RASGRF2: variants seen among roughly 807,000 people sequenced by gnomAD.
RASGRF2 encodes Ras protein specific guanine nucleotide releasing factor 2.
Under a neutral mutation model 151.0 loss-of-function variants are expected in RASGRF2, and 76 were observed. The ratio of observed to expected loss-of-function variants is 0.50; its 90% CI spans 0.42 to 0.61. The LOEUF (loss-of-function observed/expected upper bound fraction) is 0.61, where lower values mean the gene tolerates loss of function less well. RASGRF2 is among the 20% of genes least tolerant of loss of function. The pLI is 0.00. For missense variants in RASGRF2, 1,148 were observed against 1,564.6 expected, an observed-to-expected ratio of 0.73 and a Z score of 4.49; for synonymous variants, 504 against 566.5, an observed-to-expected ratio of 0.89 and a Z score of 1.57.
At chr5:81,039,607 AAAC>A (rs1367962017) in intron 1 of RASGRF2, among the ~76,000 whole-genome samples, 1 of 152,174 alleles carries the variant, frequency 6.6e-6, no homozygotes, top group Non-Finnish European at 1.5e-5. Flanking sequence ...AAAAAAGAAA[AAAC>A]AATATAGAGC....
intron 1 of RASGRF2, among the ~76,000 whole-genome samples, chr5:81,028,531 CAT>C (rs1464234355): frequency 3.3e-5 from 5 of 151,714 alleles, no homozygotes; most frequent in Admixed American, 6.6e-5. Flanking sequence ...ATTTGGGACT[CAT>C]AAAGATATGG....
intron 1 of RASGRF2, among the ~76,000 whole-genome samples, chr5:80,975,075 T>C (rs1160635942): frequency 2.0e-5 from 3 of 152,112 alleles, no homozygotes; most frequent in Non-Finnish European, 4.4e-5. Flanking sequence ...CTTCCTCTTT[T>C]GGCTCCTCAG....
chr5:80,995,164 G>C (rs988224749), intron 1 of RASGRF2, among the ~76,000 whole-genome samples: 1 of 150,684 alleles, frequency 6.6e-6, no homozygotes, highest in Non-Finnish European at 1.5e-5. Flanking sequence ...GCTGAGGCAG[G>C]AGAATGGCGT....
intron 17 of RASGRF2, among the ~76,000 whole-genome samples, chr5:81,152,128 A>T (rs1754151573): frequency 6.6e-6 from 1 of 152,074 alleles, no homozygotes. Flanking sequence ...CAGCCTCCAG[A>T]GTAGCTGGGA....
chr5:81,222,290 C>T (rs7709155), intron 26 of RASGRF2, among the ~76,000 whole-genome samples: 28,430 of 152,120 alleles, frequency 0.19, 2,774 homozygotes, highest in Middle Eastern at 0.3. Flanking sequence ...GTGAATCATT[C>T]CAGCCCTCTC....
chr5:81,051,072 A>G (rs1750994092), intron 2 of RASGRF2, among the ~76,000 whole-genome samples: 2 of 152,192 alleles, frequency 1.3e-5, no homozygotes, highest in South Asian at 2.1e-4. Flanking sequence ...TATATTTACT[A>G]TATAAATTAT....
intron 17 of RASGRF2, among the ~76,000 whole-genome samples, chr5:81,138,268 T>A (rs868846488): frequency 6.6e-6 from 1 of 152,176 alleles, no homozygotes; most frequent in Non-Finnish European, 1.5e-5. Context: ...TCCAGTGATA[T>A]AGCTTCTTTT....
At chr5:81,081,476 G>C (rs1315910589) in intron 7 of RASGRF2, among the ~76,000 whole-genome samples, 1 of 152,208 alleles carries the variant, frequency 6.6e-6, no homozygotes, top group African/African-American at 2.4e-5. Context: ...GCGCCCAGAA[G>C]TGAGAACCAG....
chr5:80,981,449 T>C (rs758747577), intron 1 of RASGRF2, among the ~76,000 whole-genome samples: 2 of 152,208 alleles, frequency 1.3e-5, no homozygotes, highest in Non-Finnish European at 2.9e-5. Context: ...GAGGCTTTCT[T>C]ACGACAAGGA....
At chr5:81,072,404 C>A (rs1321187663) in intron 4 of RASGRF2, among the ~76,000 whole-genome samples, 1 of 152,078 alleles carries the variant, frequency 6.6e-6, no homozygotes, top group Non-Finnish European at 1.5e-5. Flanking sequence ...AATACGTGAT[C>A]ATTTAGAACA....
At chr5:81,056,175 G>T (rs188681182) in intron 2 of RASGRF2, among the ~76,000 whole-genome samples, 1 of 152,088 alleles carries the variant, frequency 6.6e-6, no homozygotes, top group South Asian at 2.1e-4. Context: ...GCTGGCTTTT[G>T]AATGTGTTTG....
intron 1 of RASGRF2, among the ~76,000 whole-genome samples, chr5:81,032,463 T>C (rs1259516670): frequency 6.6e-6 from 1 of 152,232 alleles, no homozygotes; most frequent in African/African-American, 2.4e-5. Flanking sequence ...CAAGTTGGCT[T>C]CATCCCTGGG....
intron 2 of RASGRF2, among the ~76,000 whole-genome samples, chr5:81,064,786 T>C (rs1751546347): frequency 1.3e-5 from 2 of 152,194 alleles, no homozygotes; most frequent in African/African-American, 4.8e-5. Flanking sequence ...AGCTGGAAAC[T>C]GTTACTGGCT....
intron 17 of RASGRF2, among the ~76,000 whole-genome samples, chr5:81,157,566 T>C (rs1174920886): frequency 6.6e-6 from 1 of 152,212 alleles, no homozygotes; most frequent in Non-Finnish European, 1.5e-5. Flanking sequence ...ATAGCCTTTG[T>C]ATTAGTCTGT....
In RASGRF2 at chr5:81,198,627, GACGGGGTTTC is replaced by G. The variant is rs969286614; in HGVS notation, c.2794-2700_2794-2691del. On this transcript the variant is annotated intron_variant, in intron 18 of 26. Transcript: ENST00000265080. ...GCAAATTTTTTATATTTTTAGTAGA[GACGGGGTTTC>G]ACCGTGTTAGCCAGGATGGTCTCGA... Among the ~76,000 whole-genome samples, 46 of 152,222 alleles carry G rather than the reference GACGGGGTTTC, an allele frequency of 3.0e-4. 1 individual carries two copies. The highest frequency in any genetic ancestry group is 1.1e-3 in the African/African-American group (46 of 41,538).
At chr5:81,126,265 C>T (rs910838960) in intron 16 of RASGRF2, among the ~76,000 whole-genome samples, 2 of 152,158 alleles carry the variant, frequency 1.3e-5, no homozygotes, top group Non-Finnish European at 1.5e-5. Context: ...TTTAAAAGGG[C>T]CACACTTAAA....
At position 81,000,403 on chromosome 5, in the gene RASGRF2, G is replaced by T. The variant is rs139607241; in HGVS notation, c.288+39377G>T. On this transcript the variant is annotated intron_variant, in intron 1 of 26. Coordinates refer to ENST00000265080, the MANE Select transcript of RASGRF2 (RefSeq NM_006909.3). ...ATTACAGGTGCCTACCACCATGCCT[G>T]GCTAATTTTTATATTTTTTAGTAGA... Among the ~76,000 whole-genome samples the T allele has an allele frequency of 2.0e-5, 3 of 152,194 alleles. No individual in the cohort carries two copies. In the East Asian group the frequency reaches 5.8e-4, roughly 29 times the overall value.
At chr5:81,068,953 T>G (rs577532338) in intron 3 of RASGRF2, among the ~76,000 whole-genome samples, 1 of 152,306 alleles carries the variant, frequency 6.6e-6, no homozygotes, top group Non-Finnish European at 1.5e-5. Flanking sequence ...GAATGAAATT[T>G]CCTCCCTCTT....
intron 19 of RASGRF2, among the ~76,000 whole-genome samples, chr5:81,203,368 C>T (rs1404104288): frequency 1.3e-5 from 2 of 152,194 alleles, no homozygotes; most frequent in Non-Finnish European, 2.9e-5. Context: ...CCCCTCAAGA[C>T]GCCCATGCCA....
Sources: gnomAD v4.1 joint callset for allele counts (sites outside exome capture counted in the v4.1 genomes callset) on GRCh38, gnomAD v4.1.1 for gene constraint, MANE v1.5 for transcripts, NCBI Gene and HGNC (gene_info 2026-07-23, HGNC 2026-07-21) for gene names.